PAFAH1B2: variants seen among roughly 807,000 people sequenced by gnomAD.
PAFAH1B2 encodes the protein platelet-activating factor acetylhydrolase IB subunit alpha2.
A neutral mutation model predicts 28.0 loss-of-function variants in PAFAH1B2; 8 were observed. The ratio of observed to expected loss-of-function variants is 0.29; its 90% CI spans 0.17 to 0.52. The LOEUF is 0.52. PAFAH1B2 is among the 20% of genes least tolerant of loss of function. The probability of loss-of-function intolerance (pLI) is 0.97; values close to 1 mark genes in which losing one functional copy is unlikely to be tolerated. For synonymous variants in PAFAH1B2, 104 were observed against 103.2 expected, an observed-to-expected ratio of 1.01 and a Z score of -0.05; for missense variants, 190 against 282.6, an observed-to-expected ratio of 0.67 and a Z score of 2.35.
chr11:117,151,610 C>T (rs1956153614), intron 1 of PAFAH1B2, among the ~76,000 whole-genome samples: 1 of 152,116 alleles, frequency 6.6e-6, no homozygotes, highest in Admixed American at 6.5e-5. Context: ...GTGCCAAGGC[C>T]TATGACTACT....
intron 2 of PAFAH1B2, among the ~76,000 whole-genome samples, chr11:117,155,526 C>T (rs532070237): frequency 2.6e-5 from 4 of 152,030 alleles, no homozygotes; most frequent in Non-Finnish European, 5.9e-5. Context: ...GAAAGAGAAA[C>T]GTTAATATCT....
At chr11:117,176,028 C>T (rs773549578), downstream of PAFAH1B2, 36 of 999,710 alleles carry the variant, frequency 3.6e-5, no homozygotes, top group Admixed American at 3.2e-4. Flanking sequence ...ATGAAGAAAC[C>T]TCTTTTGCCA....
intron 1 of PAFAH1B2, among the ~76,000 whole-genome samples, chr11:117,147,315 G>T (rs61905473): frequency 0.031 from 4,725 of 152,248 alleles, 98 homozygotes; most frequent in Non-Finnish European, 0.036. Context: ...ACAGGGTCTT[G>T]CTCTGTCCCT....
At chr11:117,173,273 G>T (rs1956711969), downstream of PAFAH1B2, among the ~76,000 whole-genome samples, 1 of 152,192 alleles carries the variant, frequency 6.6e-6, no homozygotes, top group Admixed American at 6.5e-5. Context: ...GAAATGGAAA[G>T]TGACTGACCT....
chr11:117,169,950 G>T lies in PAFAH1B2; in HGVS notation c.*2251G>T, dbSNP rs1956610360. ...ATATCCCTTTGTGAGCTGGCCCTCA[G>T]CTCCTTTGCTCATGTGTACAAACCT... On this transcript the variant is annotated 3_prime_UTR_variant, in exon 6 of 6. Transcript: ENST00000527958. The T allele has an allele frequency of 1.9e-6, 2 of 1,052,742 alleles. No homozygotes were observed. The highest frequency in any genetic ancestry group is 2.3e-6 in the Non-Finnish European group (2 of 871,438). 65.2% of individuals were successfully genotyped at this position (1,052,742 alleles called of 1,614,324 possible).
Position 117,163,810 on chromosome 11 carries a change from C to A in PAFAH1B2, c.329C>A (p.Thr110Lys), listed in dbSNP as rs769269151. The change falls in exon 5 of 6, where the codon ACA (threonine) becomes AAA (lysine). Residue 110 changes from threonine (T) to lysine (K), a missense_variant. By Grantham distance (78) the Thr-to-Lys change is moderately conservative (BLOSUM62 -1). Coordinates refer to ENST00000527958, the MANE Select transcript of PAFAH1B2 (RefSeq NM_002572.4). ...VWVGTNNHEN[T>K]AEEVAGGIEA... ...GTAGGAACAAATAACCACGAAAATA[C>A]AGCAGAAGAAGTAGCAGGTGGGATC... The A allele has an allele frequency of 6.2e-7, 1 of 1,613,590 alleles. No individual in the cohort carries two copies. The highest frequency in any genetic ancestry group is 8.5e-7 in the Non-Finnish European group (1 of 1,179,728).
At chr11:117,165,379 ATATTCT>A (rs1333736621) in intron 5 of PAFAH1B2, among the ~76,000 whole-genome samples, 2 of 151,596 alleles carry the variant, frequency 1.3e-5, no homozygotes, top group Non-Finnish European at 2.9e-5. Context: ...CTAGCTGTAG[ATATTCT>A]TAGTCAGTTT....
At chr11:117,175,944 A>T (rs1416667705), downstream of PAFAH1B2, 3 of 1,534,302 alleles carry the variant, frequency 2.0e-6, no homozygotes, top group Non-Finnish European at 2.6e-6. Flanking sequence ...ACCATGAAAG[A>T]AAAGTCCAGA....
intron 5 of PAFAH1B2, among the ~76,000 whole-genome samples, chr11:117,165,488 CTG>C (rs1343291686): frequency 6.6e-6 from 1 of 152,114 alleles, no homozygotes; most frequent in East Asian, 1.9e-4. Flanking sequence ...CTGAGGATCA[CTG>C]TGTACAAGGC....
rs1183884086 is a variant in PAFAH1B2 at position 117,152,453 on chromosome 11, C to T, written c.6C>T (p.Ser2=). The change falls in exon 2 of 6, where the codon AGC becomes AGT. Residue 2 remains serine (S), a synonymous_variant. Coordinates refer to ENST00000527958, the MANE Select transcript of PAFAH1B2 (RefSeq NM_002572.4). M[S]QGDSNPAAIP... is the part of the protein sequence containing the mutation. ...CGTTTTTTCTCAGGTGTAGAATGAG[C>T]CAAGGAGACTCAAACCCAGCAGCTA... is the stretch of plus-strand genomic sequence containing the variant. 12 of 1,611,188 alleles carry T rather than the reference C, an allele frequency of 7.4e-6. No individual in the cohort carries two copies. The highest frequency in any genetic ancestry group is 9.3e-6 in the Non-Finnish European group (11 of 1,177,530).
At position 117,156,802 on chromosome 11, in the gene PAFAH1B2, C is replaced by T. The variant is rs190039465; in HGVS notation, c.82-3132C>T. Among the ~76,000 whole-genome samples the T allele has an allele frequency of 4.5e-4, 68 of 152,108 alleles. No individual in the cohort carries two copies. The East Asian group carries it at 0.011, about 25-fold the overall frequency. On this transcript the variant is annotated intron_variant, in intron 2 of 5. Coordinates refer to ENST00000527958, the MANE Select transcript of PAFAH1B2 (RefSeq NM_002572.4). ...CCTTGGGAGGCAGAGGTGAGTGGATCGCTTGAGTTCCAGACCAGCCTGGGA... is the reference window on the plus strand; with the variant it reads ...CCTTGGGAGGCAGAGGTGAGTGGATTGCTTGAGTTCCAGACCAGCCTGGGA...
At position 117,156,467 on chromosome 11, in the gene PAFAH1B2, G is replaced by A. The variant is rs145914258; in HGVS notation, c.82-3467G>A. ...TGGTTTTTCTGGCCCCAGACATATAGTGCCAGAAAGAGGTGTCCATGATGC... is the reference window on the plus strand; with the variant it reads ...TGGTTTTTCTGGCCCCAGACATATAATGCCAGAAAGAGGTGTCCATGATGC... On this transcript the variant is annotated intron_variant, in intron 2 of 5. Coordinates refer to ENST00000527958, the MANE Select transcript of PAFAH1B2 (RefSeq NM_002572.4). Among the ~76,000 whole-genome samples, 1,331 of 152,276 alleles carry A rather than the reference G, an allele frequency of 8.7e-3. 12 individuals carry two copies. Among genetic ancestry groups the A allele is most frequent in the Middle Eastern group, 0.017 (5 of 294 alleles).
At chr11:117,171,734 C>G, downstream of PAFAH1B2, 1 of 1,535,818 alleles carries the variant, frequency 6.5e-7, no homozygotes, top group Non-Finnish European at 8.7e-7. Flanking sequence ...ACTACCAGGC[C>G]AGCAATATTA....
intron 1 of PAFAH1B2, among the ~76,000 whole-genome samples, chr11:117,144,779 C>CCG (rs945885390): frequency 9.2e-4 from 140 of 152,144 alleles, no homozygotes; most frequent in African/African-American, 3.3e-3. Flanking sequence ...CCGGGCCCAC[C>CCG]CGCGGTAGGC....
Position 117,169,811 on chromosome 11 carries a change from G to A in PAFAH1B2, c.*2112G>A. ...CCAGATTTTTGTGTGTGGAAAGACAGTTTTCTATCCACGTCTTTTTCTGTT... is the reference window on the plus strand; with the variant it reads ...CCAGATTTTTGTGTGTGGAAAGACAATTTTCTATCCACGTCTTTTTCTGTT... On this transcript the variant is annotated 3_prime_UTR_variant, in exon 6 of 6. Transcript: ENST00000527958. 1 of 1,056,018 alleles carries A rather than the reference G, an allele frequency of 9.5e-7. No homozygotes were observed. The highest frequency in any genetic ancestry group is 1.1e-6 in the Non-Finnish European group (1 of 873,522). 65.4% of individuals were successfully genotyped at this position (1,056,018 alleles called of 1,614,324 possible).
intron 5 of PAFAH1B2, among the ~76,000 whole-genome samples, chr11:117,165,710 G>A (rs1210428498): frequency 3.3e-5 from 5 of 152,082 alleles, no homozygotes; most frequent in Non-Finnish European, 7.4e-5. Context: ...AGGTATTATA[G>A]AAAAATAAAG....
At position 117,168,445 on chromosome 11, in the gene PAFAH1B2, C is replaced by CGTTTTTTTT. The variant is rs1956563967; in HGVS notation, c.*747_*755dup. 5.7e-6 allele frequency: 2 copies of CGTTTTTTTT among 352,462 alleles called. No individual in the cohort carries two copies. The highest frequency in any genetic ancestry group is 1.1e-4 in the African/African-American group (2 of 18,942). The allele number at this position is 352,462 out of a possible 1,614,324, so 21.8% of individuals were successfully genotyped here. A position where few individuals can be genotyped will look rare whatever the true frequency, so the allele number is the denominator to read the frequency against. ...TTCCCCTTCATTCCCCCCGCCACCCCGTTTTTTTTTTTTTTTTTTTTTTTT... is the reference window on the plus strand; with the variant it reads ...TTCCCCTTCATTCCCCCCGCCACCCCGTTTTTTTTGTTTTTTTTTTTTTTTTTTTTTTTT... On this transcript the variant is annotated 3_prime_UTR_variant, in exon 6 of 6. Coordinates refer to ENST00000527958, the MANE Select transcript of PAFAH1B2 (RefSeq NM_002572.4).
chr11:117,174,797 T>C (rs976558307), downstream of PAFAH1B2: 9 of 698,906 alleles, frequency 1.3e-5, no homozygotes, highest in South Asian at 2.1e-5. Flanking sequence ...GTATTTTTAG[T>C]AGAGACGGGC....
downstream of PAFAH1B2, among the ~76,000 whole-genome samples, chr11:117,172,304 A>T (rs1346226940): frequency 7.1e-6 from 1 of 141,838 alleles, no homozygotes; most frequent in Non-Finnish European, 1.5e-5. Flanking sequence ...TTGTGGCCTG[A>T]TATTATGCTA....
Sources: gnomAD v4.1 joint callset for allele counts (sites outside exome capture counted in the v4.1 genomes callset) on GRCh38, gnomAD v4.1.1 for gene constraint, MANE v1.5 for transcripts, NCBI Gene and HGNC (gene_info 2026-07-23, HGNC 2026-07-21) for gene names.